The following NHSL2 variants were observed in gnomAD, a reference collection of about 807,000 sequenced individuals.
NHSL2 encodes NHS like 2.
Under a neutral mutation model 53.4 loss-of-function variants are expected in NHSL2, and 27 were observed. The ratio of observed to expected loss-of-function variants is 0.51; its 90% CI spans 0.37 to 0.70. NHSL2 has a LOEUF of 0.70. NHSL2 is among the 30% of genes least tolerant of loss of function. The pLI is 0.00. For synonymous variants in NHSL2, 408 were observed against 404.1 expected, an observed-to-expected ratio of 1.01 and a Z score of -0.12; for missense variants, 892 against 980.1, an observed-to-expected ratio of 0.91 and a Z score of 1.20.
chrX:72,059,470 G>A lies in NHSL2; in HGVS notation c.281-72609G>A, dbSNP rs186891155. ...TTCCAACTACCTCATCTTCTACCTGGCTATACCAGATCACTTATTTTTCTT... is the reference window on the plus strand; with the variant it reads ...TTCCAACTACCTCATCTTCTACCTGACTATACCAGATCACTTATTTTTCTT... On this transcript the variant is annotated intron_variant, in intron 1 of 7. Coordinates refer to ENST00000633930, the MANE Select transcript of NHSL2 (RefSeq NM_001013627.3). Among the ~76,000 whole-genome samples, 3 of 111,832 alleles carry A rather than the reference G, an allele frequency of 2.7e-5. No homozygotes were observed. In the East Asian group the frequency reaches 8.4e-4, roughly 31 times the overall value.
intron 1 of NHSL2, among the ~76,000 whole-genome samples, chrX:72,030,596 A>C (rs1475279540): frequency 9.0e-6 from 1 of 111,515 alleles, no homozygotes; most frequent in East Asian, 2.8e-4. Context: ...TGCCCCTTCC[A>C]TTTGGTATTT....
chrX:72,053,355 G>A (rs766992133), intron 1 of NHSL2, among the ~76,000 whole-genome samples: 13 of 111,767 alleles, frequency 1.2e-4, no homozygotes, highest in Non-Finnish European at 2.4e-4. Context: ...CTGGGGACAG[G>A]ACGCTCCATA....
chrX:72,086,920 G>A (rs1028251081), intron 1 of NHSL2, among the ~76,000 whole-genome samples: 7 of 111,380 alleles, frequency 6.3e-5, no homozygotes, highest in African/African-American at 2.3e-4. Context: ...CCACTTCTAG[G>A]TATATACCCA....
intron 1 of NHSL2, among the ~76,000 whole-genome samples, chrX:72,121,617 A>G (rs1569481905): frequency 8.9e-6 from 1 of 111,929 alleles, no homozygotes; most frequent in Non-Finnish European, 1.9e-5. Context: ...CTTGAAAAAG[A>G]AACCACACAC....
chrX:72,131,051 C>T lies in NHSL2; in HGVS notation c.281-1028C>T, dbSNP rs761595495. 5.8e-6 allele frequency: 7 copies of T among 1,210,727 alleles called. No individual in the cohort carries two copies. The Admixed American group carries it at 6.5e-5, about 11-fold the overall frequency. Reference sequence around the variant, plus strand: ...GTCTCTAGCTGCATCAGGAATTCAGCCAGGTAGACTGGGTCTCCTGAAAAG... The same window carrying T: ...GTCTCTAGCTGCATCAGGAATTCAGTCAGGTAGACTGGGTCTCCTGAAAAG... On this transcript the variant is annotated intron_variant, in intron 1 of 7. Coordinates refer to ENST00000633930, the MANE Select transcript of NHSL2 (RefSeq NM_001013627.3).
At chrX:71,967,682 AGT>A (rs2041907146) in intron 1 of NHSL2, among the ~76,000 whole-genome samples, 1 of 111,632 alleles carries the variant, frequency 9.0e-6, no homozygotes, top group Non-Finnish European at 1.9e-5. Context: ...AACTTGTAAA[AGT>A]GTGTTTTATG....
chrX:71,963,990 TATGTATATAC>T (rs1184304190), intron 1 of NHSL2, among the ~76,000 whole-genome samples: 10 of 62,378 alleles, frequency 1.6e-4, no homozygotes, highest in Middle Eastern at 6.7e-3. Context: ...TATATATATA[TATGTATATAC>T]ATATATATAT....
At chrX:72,001,309 G>A (rs1274384282) in intron 1 of NHSL2, among the ~76,000 whole-genome samples, 1 of 111,528 alleles carries the variant, frequency 9.0e-6, no homozygotes, top group South Asian at 3.8e-4. Flanking sequence ...GGCTGGTTTC[G>A]CTGTGCTACG....
At chrX:72,134,299 G>A (rs1307334283) in intron 3 of NHSL2, 81 bp downstream of exon 3, 2 of 1,036,044 alleles carry the variant, frequency 1.9e-6, no homozygotes, top group Non-Finnish European at 2.6e-6. Flanking sequence ...TTTACCCACT[G>A]GAAGCTGCTC....
chrX:72,009,370 C>A (rs1268133579), intron 1 of NHSL2, among the ~76,000 whole-genome samples: 1 of 112,545 alleles, frequency 8.9e-6, no homozygotes, highest in Non-Finnish European at 1.9e-5. Flanking sequence ...TCAAACCTAA[C>A]CCGAAGCCAG....
chrX:72,143,818 C>T lies in NHSL2; in HGVS notation c.*244C>T, dbSNP rs1236420303. 1.5e-5 allele frequency: 4 copies of T among 267,957 alleles called. No individual in the cohort carries two copies. Among genetic ancestry groups the T allele is most frequent in the Non-Finnish European group, 2.6e-5 (4 of 152,737 alleles). 22.1% of individuals were successfully genotyped at this position (267,957 alleles called of 1,213,427 possible). ...GTCATGACTGACTACCGAGTTTCTT[C>T]TTATTTTCCCCCAGTGGTGTGCACT... On this transcript the variant is annotated 3_prime_UTR_variant, in exon 8 of 8. Coordinates refer to ENST00000633930, the MANE Select transcript of NHSL2 (RefSeq NM_001013627.3).
intron 1 of NHSL2, among the ~76,000 whole-genome samples, chrX:71,924,295 A>G: frequency 9.0e-6 from 1 of 111,119 alleles, no homozygotes; most frequent in Non-Finnish European, 1.9e-5. Context: ...ACTCTTATTC[A>G]TTCCTCCAGA....
intron 1 of NHSL2, among the ~76,000 whole-genome samples, chrX:72,016,422 A>C (rs963494072): frequency 1.8e-5 from 2 of 112,046 alleles, no homozygotes; most frequent in Non-Finnish European, 3.8e-5. Flanking sequence ...TCTTTTCCCC[A>C]AAAAAATTGT....
At chrX:71,957,268 G>C (rs2041846798) in intron 1 of NHSL2, among the ~76,000 whole-genome samples, 1 of 111,812 alleles carries the variant, frequency 8.9e-6, no homozygotes, top group African/African-American at 3.3e-5. Flanking sequence ...GCAGTGCTGG[G>C]CTGAGCTGAG....
chrX:71,962,967 G>A (rs1374536782), intron 1 of NHSL2, among the ~76,000 whole-genome samples: 1 of 110,068 alleles, frequency 9.1e-6, no homozygotes, highest in Non-Finnish European at 1.9e-5. Context: ...TTAGTAACTT[G>A]TGTCTTCTCT....
At position 71,983,066 on chromosome X, in the gene NHSL2, C is replaced by A. The variant is rs186881242; in HGVS notation, c.280+71699C>A. Among the ~76,000 whole-genome samples, 8 of 111,410 alleles carry A rather than the reference C, an allele frequency of 7.2e-5. No individual in the cohort carries two copies. The Admixed American group carries it at 7.6e-4, about 11-fold the overall frequency. ...TTGAACTGGAAGACATCTGTGTCTA[C>A]TGTAGAATTGATTGCTTATTTGGCG... On this transcript the variant is annotated intron_variant, in intron 1 of 7. Coordinates refer to ENST00000633930, the MANE Select transcript of NHSL2 (RefSeq NM_001013627.3).
In NHSL2 at chrX:72,058,431, G is replaced by A. The variant is rs188153991; in HGVS notation, c.281-73648G>A. Among the ~76,000 whole-genome samples, 133 of 111,150 alleles carry A rather than the reference G, an allele frequency of 1.2e-3. No individual in the cohort carries two copies. The East Asian group carries it at 0.021, about 17-fold the overall frequency. On this transcript the variant is annotated intron_variant, in intron 1 of 7. Transcript: ENST00000633930. ...GCAATCTCGGCTCACTGCAACCTCC[G>A]CCTTCCCGATTCAAGCGATTCTCCT...
chrX:72,027,332 C>T (rs993108610), intron 1 of NHSL2: 1 of 111,395 alleles, frequency 9.0e-6, no homozygotes, highest in Non-Finnish European at 1.9e-5. Flanking sequence ...GCCTTCCCCC[C>T]ATCTTTTGCT....
intron 1 of NHSL2, among the ~76,000 whole-genome samples, chrX:72,090,053 G>T (rs1223416714): frequency 9.0e-6 from 1 of 110,694 alleles, no homozygotes; most frequent in East Asian, 2.8e-4. Context: ...GTTGCTGTTT[G>T]TTTGTTTGTT....
Sources: allele counts gnomAD v4.1 joint callset (sites outside exome capture counted in the v4.1 genomes callset), GRCh38; gene constraint gnomAD v4.1.1; transcripts MANE v1.5; gene names NCBI Gene and HGNC (gene_info 2026-07-23, HGNC 2026-07-21).